Variants in PIGS observed in about 807,000 individuals in gnomAD.
PIGS encodes the protein GPI-anchor transamidase component PIGS.
PIGS carries 37 observed loss-of-function variants against 58.2 expected under a neutral mutation model. The observed-to-expected ratio is 0.64, with a 90% CI of 0.49 to 0.84. PIGS has a LOEUF of 0.84. Ranked by LOEUF, PIGS falls within the 40% of genes least tolerant of loss-of-function variation. The pLI, the probability that PIGS is intolerant of heterozygous loss-of-function variation, is 0.00. For missense variants in PIGS, 629 were observed against 710.8 expected (o/e 0.88, Z 1.31); for synonymous variants, 269 against 289.2 (o/e 0.93, Z 0.71).
intron 5 of PIGS, among the ~76,000 whole-genome samples, chr17:28,563,218 G>A (rs927709908): frequency 3.3e-5 from 5 of 152,006 alleles, no homozygotes; most frequent in Non-Finnish European, 7.4e-5. Flanking sequence ...ACTTGAACCC[G>A]GGAGGCGGAG....
intron 3 of PIGS, among the ~76,000 whole-genome samples, chr17:28,569,331 G>A (rs555759022): frequency 1.3e-4 from 20 of 151,842 alleles, no homozygotes; most frequent in African/African-American, 4.8e-4. Flanking sequence ...TCAGCTGGGT[G>A]TGATGGTGTG....
rs1567614038 is a variant in PIGS, at chr17:28,554,877, C to T, written c.1366G>A (p.Val456Ile). 5 of 1,614,172 alleles carry T rather than the reference C, an allele frequency of 3.1e-6. No homozygotes were observed. The highest frequency in any genetic ancestry group is 1.3e-5 in the African/African-American group (1 of 75,030). ...AQLLGKISNI[V>I]IKDDVASEVY... is the part of the protein sequence containing the mutation. The stretch of plus-strand genomic sequence containing the variant: ...TCAGATGCCACGTCGTCCTTAATGA[C>T]AATGTTGCTGATCTTGCCCAGAAGC... The change falls in exon 11 of 12, where the codon GTC becomes ATC. Residue 456 changes from valine (V) to isoleucine (I), a missense_variant. Val to Ile is a conservative substitution (Grantham distance 29, BLOSUM62 3). Coordinates refer to ENST00000308360, the MANE Select transcript of PIGS (RefSeq NM_033198.4).
Position 28,556,810 on chromosome 17 carries a change from C to A in PIGS, c.1080+17G>T. On this transcript the variant is annotated intron_variant, in intron 9 of 11. Transcript: ENST00000308360. ...CCAGAAGCATGGGCTCTGGGGTCTG[C>A]GTAGTGTGACTATTACCATAATGCC... 6.2e-7 allele frequency: 1 copy of A among 1,611,846 alleles called. No homozygotes were observed. The highest frequency in any genetic ancestry group is 8.5e-7 in the Non-Finnish European group (1 of 1,179,008).
intron 11 of PIGS, 52 bp downstream of exon 11, chr17:28,554,799 C>T (rs779902465): frequency 1.7e-4 from 274 of 1,601,320 alleles, no homozygotes; most frequent in Non-Finnish European, 2.2e-4. Flanking sequence ...CACTCTGGCC[C>T]TCTCTGGCTA....
rs1375810182 is a variant in PIGS, at chr17:28,558,561, A to G, written c.849T>C (p.Asn283=). Reference sequence around the variant, plus strand: ...TGGAGGAAGCTGAGTCAAAGCGGGGATTCACCCCCAACATTGCATAGTAAA... The same window carrying G: ...TGGAGGAAGCTGAGTCAAAGCGGGGGTTCACCCCCAACATTGCATAGTAAA... ...QILYYAMLGV[N]PRFDSASSSY... The change falls in exon 8 of 12, where the codon AAT becomes AAC. Residue 283 remains asparagine (N), a synonymous_variant. Coordinates refer to ENST00000308360, the MANE Select transcript of PIGS (RefSeq NM_033198.4). 6.2e-7 allele frequency: 1 copy of G among 1,612,502 alleles called. No individual in the cohort carries two copies. Among genetic ancestry groups the G allele is most frequent in the African/African-American group, 1.3e-5 (1 of 74,894 alleles).
Position 28,570,920 on chromosome 17 carries a change from G to C in PIGS, c.218C>G (p.Ser73Ter). The change falls in exon 3 of 12, where the codon TCA becomes TGA. Residue 73 changes from serine to a stop codon, truncating the protein, a stop_gained. Transcript: ENST00000308360. LOFTEE classifies it high-confidence loss of function. ...CTTCTCCTGGTCGTCCAGGGGCACT[G>C]ACTCCCGCGTAAACACGACAGTGAC... is the stretch of plus-strand genomic sequence containing the variant. ...VPVTVVFTRE[S>*]VPLDDQEKLP... is the part of the protein sequence containing the mutation. 6.2e-7 allele frequency: 1 copy of C among 1,614,226 alleles called. No homozygotes were observed. The highest frequency in any genetic ancestry group is 8.5e-7 in the Non-Finnish European group (1 of 1,180,042).
Position 28,570,931 on chromosome 17 carries a change from A to T in PIGS, c.207T>A (p.Phe69Leu), listed in dbSNP as rs756644845. The change falls in exon 3 of 12, where the codon TTT (phenylalanine) becomes TTA (leucine). Residue 69 changes from phenylalanine (F) to leucine (L), a missense_variant. Phe to Leu is a conservative substitution (Grantham distance 22, BLOSUM62 0). Coordinates refer to ENST00000308360, the MANE Select transcript of PIGS (RefSeq NM_033198.4). ...CGTCCAGGGGCACTGACTCCCGCGTAAACACGACAGTGACAGGCACCATGA... is the reference window on the plus strand; with the variant it reads ...CGTCCAGGGGCACTGACTCCCGCGTTAACACGACAGTGACAGGCACCATGA... Reference protein sequence around the residue: ...LRLMVPVTVVFTRESVPLDDQ... With the variant: ...LRLMVPVTVVLTRESVPLDDQ... The T allele has an allele frequency of 1.2e-6, 2 of 1,614,240 alleles. No homozygotes were observed. The highest frequency in any genetic ancestry group is 1.7e-6 in the Non-Finnish European group (2 of 1,180,034).
At position 28,571,212 on chromosome 17, in the gene PIGS, A is replaced by G. The variant is rs1156693683; in HGVS notation, c.35-24T>C. On this transcript the variant is annotated intron_variant, in intron 1 of 11. Coordinates refer to ENST00000308360, the MANE Select transcript of PIGS (RefSeq NM_033198.4). ...CTCTGAGGGCATGGGGAACCGACTG[A>G]GGCGCTGGAAACGGGCTAGGGTACC... 3 of 1,607,634 alleles carry G rather than the reference A, an allele frequency of 1.9e-6. No individual in the cohort carries two copies. The South Asian group carries it at 3.3e-5, about 18-fold the overall frequency.
chr17:28,558,668 A>T (rs2070345232), intron 7 of PIGS, 78 bp from the exon 8 acceptor site: 1 of 1,143,216 alleles, frequency 8.7e-7, no homozygotes, highest in Non-Finnish European at 1.3e-6. Context: ...GAGGTGCCTT[A>T]AAAAAGACAC....
intron 7 of PIGS, among the ~76,000 whole-genome samples, chr17:28,559,633 G>A (rs950870979): frequency 4.0e-5 from 6 of 150,810 alleles, no homozygotes; most frequent in Admixed American, 1.3e-4. Flanking sequence ...CCTGGGAGGC[G>A]GAGGTTGCAG....
intron 7 of PIGS, 120 bp downstream of exon 7, chr17:28,559,929 T>C (rs1292584439): frequency 5.4e-6 from 7 of 1,306,006 alleles, no homozygotes; most frequent in African/African-American, 4.5e-5. Flanking sequence ...GACACTCACA[T>C]ACATATACAC....
At position 28,554,949 on chromosome 17, in the gene PIGS, C is replaced by T. The variant is rs975952140; in HGVS notation, c.1294G>A (p.Val432Met). The T allele has an allele frequency of 1.2e-6, 2 of 1,613,040 alleles. No individual in the cohort carries two copies. The highest frequency in any genetic ancestry group is 1.7e-6 in the Non-Finnish European group (2 of 1,179,442). ...GTGGTGGCTGTGGCCAGGTTCTCCA[C>T]TGACCGAGCCCAGAGCAGCCGGTCT... Reference protein sequence around the residue: ...ELDRLLWARSVENLATATTTL... With the variant: ...ELDRLLWARSMENLATATTTL... The change falls in exon 11 of 12, where the codon GTG becomes ATG. Residue 432 changes from valine to methionine, a missense_variant. Transcript: ENST00000308360.
chr17:28,555,198 T>C (rs534145206), intron 10 of PIGS, 137 bp from the exon 11 acceptor site: 1 of 857,886 alleles, frequency 1.2e-6, no homozygotes, highest in African/African-American at 1.7e-5. Context: ...GGGAAGTACC[T>C]CAGGGTCTTG....
chr17:28,563,430 C>G lies in PIGS; in HGVS notation c.468+1G>C, dbSNP rs1567616570. 2.2e-5 allele frequency: 35 copies of G among 1,613,460 alleles called. No individual in the cohort carries two copies. The highest frequency in any genetic ancestry group is 2.9e-5 in the Non-Finnish European group (34 of 1,179,374). On this transcript the variant is annotated splice_donor_variant, in intron 5 of 11. Coordinates refer to ENST00000308360, the MANE Select transcript of PIGS (RefSeq NM_033198.4). LOFTEE classifies it high-confidence loss of function. The stretch of plus-strand genomic sequence containing the variant: ...AAGTCGCAGCCTCTCTGTTACCTTA[C>G]CTGGGGAAGAAGTGAGGAGTGTTCA...
chr17:28,568,463 G>A (rs940859165), intron 3 of PIGS, among the ~76,000 whole-genome samples: 1 of 152,070 alleles, frequency 6.6e-6, no homozygotes. Context: ...CTAGTAACTA[G>A]AACTGTATCT....
Position 28,554,494 on chromosome 17 carries a change from A to T in PIGS, c.1394T>A (p.Val465Glu). ...IVIKDDVASE[V>E]YKAVAAVQKS... ...CTGGACGGCAGCTACAGCCTTGTAC[A>T]CCTAGGAAGGAGAAGGGACAAGAGG... The change falls in exon 12 of 12, where the codon GTG becomes GAG. Residue 465 changes from valine to glutamate, a missense_variant and splice_region_variant. By Grantham distance (121) the Val-to-Glu change is moderately radical (BLOSUM62 -2). Coordinates refer to ENST00000308360, the MANE Select transcript of PIGS (RefSeq NM_033198.4). 1 of 1,613,734 alleles carries T rather than the reference A, an allele frequency of 6.2e-7. No individual in the cohort carries two copies. Among genetic ancestry groups the T allele is most frequent in the South Asian group, 1.1e-5 (1 of 91,060 alleles).
At position 28,571,207 on chromosome 17, in the gene PIGS, G is replaced by A. The variant is rs371412651; in HGVS notation, c.35-19C>T. 42 of 1,608,496 alleles carry A rather than the reference G, an allele frequency of 2.6e-5. No homozygotes were observed. The highest frequency in any genetic ancestry group is 3.1e-5 in the Non-Finnish European group (37 of 1,176,956). Reference sequence around the variant, plus strand: ...GCCACCTCTGAGGGCATGGGGAACCGACTGAGGCGCTGGAAACGGGCTAGG... The same window carrying A: ...GCCACCTCTGAGGGCATGGGGAACCAACTGAGGCGCTGGAAACGGGCTAGG... On this transcript the variant is annotated intron_variant, in intron 1 of 11. Coordinates refer to ENST00000308360, the MANE Select transcript of PIGS (RefSeq NM_033198.4).
intron 3 of PIGS, among the ~76,000 whole-genome samples, chr17:28,568,354 C>T (rs1246730655): frequency 2.8e-4 from 42 of 152,152 alleles, no homozygotes; most frequent in Admixed American, 2.4e-3. Flanking sequence ...CTGCCTGCCT[C>T]GGCCTCCCAA....
rs144952071 is a variant in PIGS, at chr17:28,555,108, G to A, written c.1182-47C>T. On this transcript the variant is annotated intron_variant, in intron 10 of 11. Transcript: ENST00000308360. ...ATCAAGGTGGCTGAGACCACAAGGC[G>A]GGAGATCATGGCTAAGATTTCTCAA... The A allele has an allele frequency of 2.6e-5, 38 of 1,479,604 alleles. 1 individual carries two copies. The Middle Eastern group carries it at 6.8e-4, about 27-fold the overall frequency. 91.7% of individuals were successfully genotyped at this position (1,479,604 alleles called of 1,614,324 possible).
Sources: gnomAD v4.1 joint callset for allele counts (sites outside exome capture counted in the v4.1 genomes callset) on GRCh38, gnomAD v4.1.1 for gene constraint, MANE v1.5 for transcripts, NCBI Gene and HGNC (gene_info 2026-07-23, HGNC 2026-07-21) for gene names.